DOP1B: variants seen among roughly 807,000 people sequenced by gnomAD.
DOP1B encodes DOP1 leucine zipper like protein B.
A neutral mutation model predicts 233.5 loss-of-function variants in DOP1B; 174 were observed. The observed-to-expected ratio is 0.75, with a 90% CI of 0.66 to 0.85. DOP1B has a LOEUF of 0.85. Ranked by LOEUF, DOP1B falls within the 40% of genes least tolerant of loss-of-function variation. The pLI, the probability that DOP1B is intolerant of heterozygous loss-of-function variation, is 0.00. For synonymous variants in DOP1B, 1,190 were observed against 1,185.6 expected (o/e 1.00, Z -0.08); for missense variants, 2,652 against 2,846.6 (o/e 0.93, Z 1.56).
chr21:36,238,813 AC>A, intron 17 of DOP1B, 112 bp downstream of exon 17: 2 of 1,003,368 alleles, frequency 2.0e-6, no homozygotes, highest in Non-Finnish European at 3.1e-6. Flanking sequence ...GAAAACATGA[AC>A]CCATATGACC....
intron 2 of DOP1B, among the ~76,000 whole-genome samples, chr21:36,183,464 G>A (rs115037312): frequency 2.7e-3 from 415 of 152,318 alleles, no homozygotes; most frequent in Middle Eastern, 0.024. Context: ...TCCTCAACCC[G>A]AGAGCCAGAG....
At chr21:36,248,951 A>G (rs2067001449) in intron 21 of DOP1B, among the ~76,000 whole-genome samples, 1 of 151,854 alleles carries the variant, frequency 6.6e-6, no homozygotes, top group South Asian at 2.1e-4. Context: ...CTAAAAATAC[A>G]AAAATTAGCC....
In DOP1B at chr21:36,239,005, AG is replaced by A. The variant is rs529077354; in HGVS notation, c.2876+306del. On this transcript the variant is annotated intron_variant, in intron 17 of 36. Coordinates refer to ENST00000691173, the MANE Select transcript of DOP1B (RefSeq NM_001320714.2). ...GTAATCCCAGCTACTTGGGATGGTG[AG>A]GCAGTAGAATCACTTGAACCCGGGA... Among the ~76,000 whole-genome samples the A allele has an allele frequency of 2.4e-4, 37 of 152,252 alleles. No individual in the cohort carries two copies. In the South Asian group the frequency reaches 7.5e-3, roughly 31 times the overall value.
In DOP1B at chr21:36,292,245, T is replaced by G. The variant is rs1035692898; in HGVS notation, c.6645+12T>G. 1 of 1,540,586 alleles carries G rather than the reference T, an allele frequency of 6.5e-7. No individual in the cohort carries two copies. The highest frequency in any genetic ancestry group is 2.3e-5 in the East Asian group (1 of 43,828). On this transcript the variant is annotated intron_variant, in intron 36 of 36. Coordinates refer to ENST00000691173, the MANE Select transcript of DOP1B (RefSeq NM_001320714.2). ...AATTAAAGTTTGGGGTAAGTGCTTT[T>G]CTTTTCTTTTCTTTTTTTTTTTTTT...
intron 27 of DOP1B, among the ~76,000 whole-genome samples, chr21:36,271,763 A>T (rs934353547): frequency 2.6e-5 from 4 of 152,012 alleles, no homozygotes; most frequent in African/African-American, 9.7e-5. Flanking sequence ...TTACCTGGAC[A>T]TGGTGATAGA....
chr21:36,165,414 G>A (rs2065900421), intron 2 of DOP1B, among the ~76,000 whole-genome samples: 2 of 152,044 alleles, frequency 1.3e-5, no homozygotes, highest in South Asian at 4.1e-4. Flanking sequence ...GTGTGCATGT[G>A]TGTGCATACG....
At chr21:36,281,323 A>AT (rs1601480076) in intron 31 of DOP1B, among the ~76,000 whole-genome samples, 160 bp from the exon 32 acceptor site, 2 of 152,170 alleles carry the variant, frequency 1.3e-5, no homozygotes, top group Admixed American at 1.3e-4. Context: ...AGAAATAACT[A>AT]TTTTTTAAAT....
intron 14 of DOP1B, among the ~76,000 whole-genome samples, chr21:36,232,140 G>A (rs1798200387): frequency 6.6e-6 from 1 of 151,992 alleles, no homozygotes; most frequent in Non-Finnish European, 1.5e-5. Context: ...CACTGCACCT[G>A]GCCCCCTAAT....
rs149325664 is a variant in DOP1B, at chr21:36,238,824, C to T, written c.2876+123C>T. The stretch of plus-strand genomic sequence containing the variant: ...AGTTGAAAACATGAACCCATATGAC[C>T]GGGTGTGGTGGCTCACGCCTGTAAT... On this transcript the variant is annotated intron_variant, in intron 17 of 36. Transcript: ENST00000691173. 2.4e-4 allele frequency: 223 copies of T among 918,878 alleles called. 1 individual carries two copies. Among genetic ancestry groups the T allele is most frequent in the Non-Finnish European group, 3.4e-4 (200 of 584,930 alleles). 56.9% of individuals were successfully genotyped at this position (918,878 alleles called of 1,614,324 possible).
intron 23 of DOP1B, among the ~76,000 whole-genome samples, chr21:36,255,929 T>A (rs1317614403): frequency 6.6e-6 from 1 of 152,200 alleles, no homozygotes; most frequent in Non-Finnish European, 1.5e-5. Context: ...TCTAGAGAGC[T>A]TCTTCAATTA....
At chr21:36,248,240 C>A in intron 20 of DOP1B, 140 bp from the exon 21 acceptor site, 1 of 771,552 alleles carries the variant, frequency 1.3e-6, no homozygotes, top group Non-Finnish European at 2.1e-6. Flanking sequence ...AAGCTTATTG[C>A]TCCCAGACCA....
chr21:36,234,342 CA>C (rs1417816972), intron 15 of DOP1B, among the ~76,000 whole-genome samples: 1 of 151,954 alleles, frequency 6.6e-6, no homozygotes, highest in African/African-American at 2.4e-5. Context: ...TATATAGGCA[CA>C]GGGGAGAAAA....
chr21:36,269,887 C>T, intron 26 of DOP1B, 126 bp from the exon 27 acceptor site: 1 of 948,172 alleles, frequency 1.1e-6, no homozygotes, highest in South Asian at 1.6e-5. Context: ...TCCTAGAAAG[C>T]TTAATGGTAC....
At chr21:36,171,325 AACCT>A (rs2065970166) in intron 2 of DOP1B, among the ~76,000 whole-genome samples, 1 of 152,244 alleles carries the variant, frequency 6.6e-6, no homozygotes, top group African/African-American at 2.4e-5. Context: ...GATGAAGGCT[AACCT>A]ACTTGCCCAG....
chr21:36,206,077 A>G lies in DOP1B; in HGVS notation c.492-2638A>G, dbSNP rs79787115. On this transcript the variant is annotated intron_variant, in intron 4 of 36. Transcript: ENST00000691173. ...CTAATATTGGAATTTAACAACCGAG[A>G]TGATCATAGTAACTCTTGTTGAGTA... Among the ~76,000 whole-genome samples the G allele has an allele frequency of 9.4e-3, 1,435 of 151,924 alleles. 25 individuals carry two copies. The highest frequency in any genetic ancestry group is 0.032 in the African/African-American group (1,317 of 41,416).
intron 2 of DOP1B, among the ~76,000 whole-genome samples, chr21:36,174,045 C>A (rs12482407): frequency 2.6e-5 from 4 of 152,104 alleles, no homozygotes; most frequent in African/African-American, 9.7e-5. Context: ...CAGTTAGCTA[C>A]AAGCACCTCC....
In DOP1B at chr21:36,200,206, A is replaced by G. The variant is rs1227300067; in HGVS notation, c.321-125A>G. On this transcript the variant is annotated intron_variant, in intron 3 of 36. Transcript: ENST00000691173. Reference sequence around the variant, plus strand: ...TGACCATCTCATGTCATACCCACACATCGAAACCAGCAGTTTAAATGGCCA... The same window carrying G: ...TGACCATCTCATGTCATACCCACACGTCGAAACCAGCAGTTTAAATGGCCA... 5 of 1,287,708 alleles carry G rather than the reference A, an allele frequency of 3.9e-6. No homozygotes were observed. The East Asian group carries it at 9.8e-5, about 25-fold the overall frequency. The allele number at this position is 1,287,708 out of a possible 1,614,324, so 79.8% of individuals were successfully genotyped here.
chr21:36,251,040 A>G, intron 21 of DOP1B, 122 bp from the exon 22 acceptor site: 1 of 1,368,008 alleles, frequency 7.3e-7, no homozygotes, highest in South Asian at 1.5e-5. Flanking sequence ...ACCTCAGCAC[A>G]ACATTGGGCA....
rs756146790 is a variant in DOP1B, at chr21:36,214,077, G to T, written c.905-4G>T. The stretch of plus-strand genomic sequence containing the variant: ...TTTACAGCTCGGCGCTTGTTCTTTT[G>T]TAGGCTCAGACATAAAAGGAAATAC... On this transcript the variant is annotated splice_polypyrimidine_tract_variant and splice_region_variant and intron_variant, in intron 7 of 36. Coordinates refer to ENST00000691173, the MANE Select transcript of DOP1B (RefSeq NM_001320714.2). 1.9e-6 allele frequency: 3 copies of T among 1,608,754 alleles called. No individual in the cohort carries two copies. Among genetic ancestry groups the T allele is most frequent in the Non-Finnish European group, 2.5e-6 (3 of 1,176,942 alleles).
Sources: allele counts gnomAD v4.1 joint callset (sites outside exome capture counted in the v4.1 genomes callset), GRCh38; gene constraint gnomAD v4.1.1; transcripts MANE v1.5; gene names NCBI Gene and HGNC (gene_info 2026-07-23, HGNC 2026-07-21).